HS3ST4: variants seen among roughly 807,000 people sequenced by gnomAD.
The protein encoded by HS3ST4 is heparan sulfate-glucosamine 3-sulfotransferase 4, also known as heparan sulfate glucosamine 3-O-sulfotransferase 4.
In HS3ST4, 17 loss-of-function variants were observed where a neutral mutation model predicts 29.2. That is an observed-to-expected ratio of 0.58 (90% CI 0.40 to 0.87). The LOEUF (loss-of-function observed/expected upper bound fraction) is 0.87. Ranked by LOEUF, HS3ST4 falls within the 40% of genes least tolerant of loss-of-function variation. The pLI, the probability that HS3ST4 is intolerant of heterozygous loss-of-function variation, is 0.00. For synonymous variants in HS3ST4, 314 were observed against 285.7 expected, an observed-to-expected ratio of 1.10 and a Z score of -1.00; for missense variants, 627 against 634.5, an observed-to-expected ratio of 0.99 and a Z score of 0.13.
chr16:25,918,850 A>G (rs549153595), intron 1 of HS3ST4, among the ~76,000 whole-genome samples: 21 of 152,268 alleles, frequency 1.4e-4, no homozygotes, highest in Middle Eastern at 3.4e-3. Flanking sequence ...AGGGGTTGCC[A>G]TATGCCTTGT....
chr16:25,828,923 C>T (rs777868818), intron 1 of HS3ST4, among the ~76,000 whole-genome samples: 5 of 152,164 alleles, frequency 3.3e-5, no homozygotes, highest in Non-Finnish European at 7.3e-5. Context: ...CTATAAGGTT[C>T]ATGTGAGAAT....
chr16:26,062,790 A>G (rs1898492558), intron 1 of HS3ST4: 4 of 243,286 alleles, frequency 1.6e-5, no homozygotes, highest in Non-Finnish European at 2.5e-5. Flanking sequence ...TCTCTAAATA[A>G]GAAATAATTC....
intron 1 of HS3ST4, among the ~76,000 whole-genome samples, chr16:25,878,245 A>G (rs564160481): frequency 1.3e-5 from 2 of 152,278 alleles, no homozygotes; most frequent in East Asian, 3.9e-4. Context: ...GCCTGGTTCA[A>G]AGAAGTTACT....
At chr16:25,741,959 A>G (rs558234927) in intron 1 of HS3ST4, among the ~76,000 whole-genome samples, 13 of 152,298 alleles carry the variant, frequency 8.5e-5, no homozygotes, top group Admixed American at 2.6e-4. Context: ...GCTAAGATCT[A>G]TGGTTAAAAA....
At chr16:25,856,716 T>C (rs1032638254) in intron 1 of HS3ST4, among the ~76,000 whole-genome samples, 2 of 152,210 alleles carry the variant, frequency 1.3e-5, no homozygotes, top group Admixed American at 6.5e-5. Context: ...TGGGCTGCAT[T>C]CAAAGCAGTC....
intron 1 of HS3ST4, among the ~76,000 whole-genome samples, chr16:26,115,025 C>T (rs1163036690): frequency 1.3e-5 from 2 of 151,966 alleles, no homozygotes; most frequent in Non-Finnish European, 2.9e-5. Flanking sequence ...TTGCAATATA[C>T]CATAAAACAT....
At chr16:25,806,379 C>G (rs967875124) in intron 1 of HS3ST4, among the ~76,000 whole-genome samples, 3 of 151,972 alleles carry the variant, frequency 2.0e-5, no homozygotes, top group Non-Finnish European at 2.9e-5. Flanking sequence ...CCTCGTGCCT[C>G]CATTTTCCTC....
chr16:25,826,532 G>C (rs1967217466), intron 1 of HS3ST4, among the ~76,000 whole-genome samples: 1 of 152,074 alleles, frequency 6.6e-6, no homozygotes, highest in Non-Finnish European at 1.5e-5. Flanking sequence ...AGGAAATCAA[G>C]GATATCAAGG....
intron 1 of HS3ST4, among the ~76,000 whole-genome samples, chr16:25,762,894 A>AAAAAAG (rs1567234928): frequency 6.8e-6 from 1 of 148,074 alleles, no homozygotes; most frequent in Non-Finnish European, 1.5e-5. Context: ...AAAAAAAAAA[A>AAAAAAG]AAAAAGAAAA....
chr16:25,906,744 A>G (rs1423235391), intron 1 of HS3ST4, among the ~76,000 whole-genome samples: 3 of 152,190 alleles, frequency 2.0e-5, no homozygotes, highest in Middle Eastern at 6.3e-3. Context: ...AAGGTGTGAA[A>G]ATACAAGACA....
chr16:25,747,670 G>T (rs991852554), intron 1 of HS3ST4, among the ~76,000 whole-genome samples: 1 of 152,222 alleles, frequency 6.6e-6, no homozygotes, highest in Non-Finnish European at 1.5e-5. Context: ...TGACACCAAT[G>T]TCTGTGCTCT....
At chr16:25,879,970 TG>T (rs762764762) in intron 1 of HS3ST4, among the ~76,000 whole-genome samples, 1 of 151,940 alleles carries the variant, frequency 6.6e-6, no homozygotes, top group Non-Finnish European at 1.5e-5. Context: ...GAGAACAGTA[TG>T]GGGGAACTGC....
chr16:25,717,557 G>A (rs1285650684), intron 1 of HS3ST4, among the ~76,000 whole-genome samples: 1 of 144,390 alleles, frequency 6.9e-6, no homozygotes, highest in Non-Finnish European at 1.5e-5. Flanking sequence ...GTGTGTGTTT[G>A]GCAATCCAAG....
At chr16:25,889,066 T>C (rs908026392) in intron 1 of HS3ST4, among the ~76,000 whole-genome samples, 5 of 152,200 alleles carry the variant, frequency 3.3e-5, no homozygotes, top group South Asian at 2.1e-4. Flanking sequence ...ACAGGCTTTA[T>C]TGGCAGTATT....
intron 1 of HS3ST4, among the ~76,000 whole-genome samples, chr16:25,888,451 C>T (rs2141667498): frequency 6.6e-6 from 1 of 152,282 alleles, no homozygotes; most frequent in South Asian, 2.1e-4. Context: ...TGCATCCTTT[C>T]TCCGCAGTCA....
chr16:25,904,199 AATGGATGG>A (rs752387766), intron 1 of HS3ST4, among the ~76,000 whole-genome samples: 1 of 145,620 alleles, frequency 6.9e-6, no homozygotes, highest in Non-Finnish European at 1.5e-5. Context: ...TGGACAGATG[AATGGATGG>A]ATGGATGGAC....
In HS3ST4 at chr16:25,873,472, A is replaced by G. The variant is rs1967786577; in HGVS notation, c.734+180321A>G. ...CACCCATCCATTTACCCACCCATCC[A>G]TCTATCTCTCTATCTATCTATCTAT... is the stretch of plus-strand genomic sequence containing the variant. On this transcript the variant is annotated intron_variant, in intron 1 of 1. Coordinates refer to ENST00000331351, the MANE Select transcript of HS3ST4 (RefSeq NM_006040.3). Among the ~76,000 whole-genome samples the G allele has an allele frequency of 4.3e-5, 3 of 69,142 alleles. No homozygotes were observed. In the South Asian group the frequency reaches 1.5e-3, roughly 35 times the overall value. 45.4% of individuals were successfully genotyped at this position (69,142 alleles called of 152,430 possible).
chr16:26,066,447 A>G (rs1898543559), intron 1 of HS3ST4, among the ~76,000 whole-genome samples: 1 of 152,232 alleles, frequency 6.6e-6, no homozygotes, highest in African/African-American at 2.4e-5. Context: ...TATTTGAGGA[A>G]ATGAAATATT....
intron 1 of HS3ST4, among the ~76,000 whole-genome samples, chr16:25,833,735 T>C (rs1967329620): frequency 6.6e-6 from 1 of 152,176 alleles, no homozygotes; most frequent in Admixed American, 6.5e-5. Flanking sequence ...CTGCATGAGC[T>C]CCATTTTGGA....
Sources: allele counts gnomAD v4.1 joint callset (sites outside exome capture counted in the v4.1 genomes callset), GRCh38; gene constraint gnomAD v4.1.1; transcripts MANE v1.5; gene names NCBI Gene and HGNC (gene_info 2026-07-23, HGNC 2026-07-21).